FRMPD1: variants seen among roughly 807,000 people sequenced by gnomAD.
FRMPD1 encodes FERM and PDZ domain-containing protein 1.
Under a neutral mutation model 117.8 loss-of-function variants are expected in FRMPD1, and 76 were observed. The observed-to-expected ratio is 0.65, with a 90% CI of 0.54 to 0.78. FRMPD1 has a LOEUF of 0.78. FRMPD1 is among the 30% of genes least tolerant of loss of function. FRMPD1 has a pLI of 0.00. For synonymous variants in FRMPD1, 783 were observed against 770.4 expected (o/e 1.02, Z -0.27); for missense variants, 1,786 against 1,964.5 (o/e 0.91, Z 1.72).
intron 1 of FRMPD1, 44 bp from the exon 2 acceptor site, chr9:37,692,594 G>T (rs779079101): frequency 8.2e-7 from 1 of 1,219,590 alleles, no homozygotes; most frequent in Non-Finnish European, 1.2e-6. Context: ...ATCCTCTTTA[G>T]AGTATTTTGG....
intron 2 of FRMPD1, among the ~76,000 whole-genome samples, chr9:37,707,113 A>G (rs1436413778): frequency 6.6e-6 from 1 of 152,094 alleles, no homozygotes; most frequent in African/African-American, 2.4e-5. Flanking sequence ...TGCGTCCCTG[A>G]TTCCCTATTC....
At chr9:37,679,527 A>G (rs554524194) in intron 1 of FRMPD1, among the ~76,000 whole-genome samples, 16 of 152,296 alleles carry the variant, frequency 1.1e-4, no homozygotes, top group African/African-American at 3.8e-4. Flanking sequence ...TCACTCCTCC[A>G]TGCCCTGTTT....
In FRMPD1 at chr9:37,737,097, T is replaced by C. The variant is rs142657740; in HGVS notation, c.1403T>C (p.Val468Ala). 169 of 1,611,486 alleles carry C rather than the reference T, an allele frequency of 1.0e-4. No individual in the cohort carries two copies. In the African/African-American group the frequency reaches 2.1e-3, roughly 20 times the overall value. Reference sequence around the variant, plus strand: ...TGAGATTTCTATTTGCTTTCAAAGGTTCTGACTTTGCTGCTGGAATCCAAC... The same window carrying C: ...TGAGATTTCTATTTGCTTTCAAAGGCTCTGACTTTGCTGCTGGAATCCAAC... The part of the protein sequence containing the change: ...VVKVYLQDVK[V>A]LTLLLESNSA... Residue 468 changes from valine (V) to alanine (A), a missense_variant and splice_region_variant, in exon 14 of 16, where the codon GTT becomes GCT. By Grantham distance (64) the Val-to-Ala change is moderately conservative. Coordinates refer to ENST00000377765, the MANE Select transcript of FRMPD1 (RefSeq NM_014907.3).
intron 1 of FRMPD1, among the ~76,000 whole-genome samples, chr9:37,662,689 A>T (rs958333232): frequency 6.6e-6 from 1 of 152,158 alleles, no homozygotes; most frequent in Non-Finnish European, 1.5e-5. Context: ...TTTTGCTTTG[A>T]ATTGGAATTA....
chr9:37,667,386 C>T (rs111375680), intron 1 of FRMPD1, among the ~76,000 whole-genome samples: 1,921 of 150,926 alleles, frequency 0.013, 49 homozygotes, highest in African/African-American at 0.043. Context: ...TTAAGGTTAC[C>T]CCTGGGCTGG....
intron 15 of FRMPD1, among the ~76,000 whole-genome samples, chr9:37,741,815 T>C (rs747859138): frequency 1.3e-5 from 2 of 152,200 alleles, no homozygotes; most frequent in Non-Finnish European, 2.9e-5. Flanking sequence ...TTGCACATGC[T>C]GCTCTTTCTG....
chr9:37,682,299 C>T (rs1194810547), intron 1 of FRMPD1, among the ~76,000 whole-genome samples: 1 of 152,190 alleles, frequency 6.6e-6, no homozygotes, highest in African/African-American at 2.4e-5. Context: ...TGAATGAAAT[C>T]TACAGGTGAA....
the FRMPD1 span, among the ~76,000 whole-genome samples, chr9:37,613,121 C>T: frequency 6.6e-6 from 1 of 152,154 alleles, no homozygotes; most frequent in Non-Finnish European, 1.5e-5. Flanking sequence ...AATTACCTAC[C>T]ATGTGCAGGA....
intron 1 of FRMPD1, among the ~76,000 whole-genome samples, chr9:37,659,931 A>AAC (rs1279584671): frequency 1.1e-4 from 17 of 150,298 alleles, no homozygotes; most frequent in East Asian, 3.9e-4. Flanking sequence ...AAAAAAAAAA[A>AAC]AAACAAAACT....
chr9:37,630,473 C>T, the FRMPD1 span, among the ~76,000 whole-genome samples: 2 of 152,134 alleles, frequency 1.3e-5, no homozygotes, highest in African/African-American at 4.8e-5. Flanking sequence ...CCTCCGCCTC[C>T]TGGTTCAAGC....
chr9:37,744,983 C>G lies in FRMPD1; in HGVS notation c.2951C>G (p.Ala984Gly). 1 of 1,614,182 alleles carries G rather than the reference C, an allele frequency of 6.2e-7. No individual in the cohort carries two copies. The highest frequency in any genetic ancestry group is 8.5e-7 in the Non-Finnish European group (1 of 1,180,000). ...PGSSGPDTAQ[A>G]RPSQILPLSQ... ...TCATCTGGCCCAGATACTGCTCAGGCAAGGCCTTCCCAAATCTTACCTCTA... is the reference window on the plus strand; with the variant it reads ...TCATCTGGCCCAGATACTGCTCAGGGAAGGCCTTCCCAAATCTTACCTCTA... Residue 984 changes from alanine (A) to glycine (G), a missense_variant, in exon 16 of 16, where the codon GCA (alanine) becomes GGA (glycine). Coordinates refer to ENST00000377765, the MANE Select transcript of FRMPD1 (RefSeq NM_014907.3).
intron 2 of FRMPD1, among the ~76,000 whole-genome samples, chr9:37,699,734 A>G (rs1012012172): frequency 1.3e-5 from 2 of 152,304 alleles, no homozygotes; most frequent in Non-Finnish European, 2.9e-5. Context: ...GCTTGGTTGT[A>G]TCCTCAGGGC....
chr9:37,708,374 C>T (rs770777607), intron 3 of FRMPD1, 25 bp from the exon 4 acceptor site: 1 of 1,425,948 alleles, frequency 7.0e-7, no homozygotes, highest in Admixed American at 1.7e-5. Flanking sequence ...GCATGAGCAC[C>T]AATTACTTAT....
chr9:37,683,100 G>A (rs1241515900), intron 1 of FRMPD1, among the ~76,000 whole-genome samples: 14 of 152,178 alleles, frequency 9.2e-5, no homozygotes, highest in Middle Eastern at 3.4e-3. Flanking sequence ...ACATTTACCC[G>A]TTCTGGTCAT....
chr9:37,624,939 T>G, the FRMPD1 span, among the ~76,000 whole-genome samples: 1 of 152,198 alleles, frequency 6.6e-6, no homozygotes, highest in African/African-American at 2.4e-5. Context: ...TACTGTGAGA[T>G]TTTTACCTCC....
At chr9:37,603,392 G>A in the FRMPD1 span, among the ~76,000 whole-genome samples, 1 of 152,112 alleles carries the variant, frequency 6.6e-6, no homozygotes, top group Non-Finnish European at 1.5e-5. Flanking sequence ...TGGGTTAGCA[G>A]GCACCATGAG....
At chr9:37,725,882 T>C (rs1383362233) in intron 7 of FRMPD1, among the ~76,000 whole-genome samples, 1 of 152,240 alleles carries the variant, frequency 6.6e-6, no homozygotes, top group Admixed American at 6.5e-5. Context: ...ACTCTGCCAT[T>C]CTGCAGAAAA....
chr9:37,696,075 T>TTTTTTTTTTTTTA (rs752862883), intron 2 of FRMPD1, among the ~76,000 whole-genome samples: 2 of 120,694 alleles, frequency 1.7e-5, no homozygotes, highest in African/African-American at 2.9e-5. Context: ...TTTTTTTTTT[T>TTTTTTTTTTTTTA]AATATCTAGA....
At chr9:37,685,085 G>C (rs1398457572) in intron 1 of FRMPD1, among the ~76,000 whole-genome samples, 1 of 152,090 alleles carries the variant, frequency 6.6e-6, no homozygotes, top group Non-Finnish European at 1.5e-5. Flanking sequence ...GTCTCAAGTA[G>C]CACTTGTAAA....
Sources: allele counts gnomAD v4.1 joint callset (sites outside exome capture counted in the v4.1 genomes callset), GRCh38; gene constraint gnomAD v4.1.1; transcripts MANE v1.5; gene names NCBI Gene and HGNC (gene_info 2026-07-23, HGNC 2026-07-21).